Variants in TARM1 observed in about 807,000 individuals in gnomAD.
TARM1 encodes T-cell-interacting, activating receptor on myeloid cells protein 1.
In TARM1, 24 loss-of-function variants were observed where a neutral mutation model predicts 30.4. The observed-to-expected ratio is 0.79, with a 90% CI of 0.57 to 1.11. TARM1 has a LOEUF of 1.11. TARM1 is among the 50% of genes least tolerant of loss of function. The pLI, the probability that TARM1 is intolerant of heterozygous loss-of-function variation, is 0.00. For missense variants in TARM1, 323 were observed against 332.8 expected, an observed-to-expected ratio of 0.97 and a Z score of 0.23; for synonymous variants, 129 against 138.9, an observed-to-expected ratio of 0.93 and a Z score of 0.50.
At chr19:54,080,614 G>T (rs1185885332) in intron 1 of TARM1, among the ~76,000 whole-genome samples, 1 of 151,372 alleles carries the variant, frequency 6.6e-6, no homozygotes, top group East Asian at 1.9e-4. Context: ...TAGTGGTGAT[G>T]GTTACACAGC....
chr19:54,069,912 C>T lies in TARM1; in HGVS notation c.*91G>A, dbSNP rs2071765333. On this transcript the variant is annotated 3_prime_UTR_variant, in exon 5 of 5. Transcript: ENST00000432826. ...TTGTGACCTGTATGTTGTGACCTGT[C>T]TCATCCTGTGACTTAGAAAGCCTCA... is the stretch of plus-strand genomic sequence containing the variant. 8.9e-6 allele frequency: 9 copies of T among 1,012,134 alleles called. No homozygotes were observed. The South Asian group carries it at 1.4e-4, about 16-fold the overall frequency. 62.7% of individuals were successfully genotyped at this position (1,012,134 alleles called of 1,614,324 possible). A position where few individuals can be genotyped will look rare whatever the true frequency, so the allele number is the denominator to read the frequency against.
rs375418750 is a variant in TARM1, at chr19:54,080,140, A to AAAGCAAGC, written c.34+1159_34+1166dup. Among the ~76,000 whole-genome samples the AAAGCAAGC allele has an allele frequency of 1.4e-3, 110 of 80,272 alleles. 23 individuals carry two copies. The highest frequency in any genetic ancestry group is 1.2e-3 in the Non-Finnish European group (43 of 37,148). The allele number at this position is 80,272 out of a possible 152,430, so 52.7% of individuals were successfully genotyped here. A position where few individuals can be genotyped will look rare whatever the true frequency, so the allele number is the denominator to read the frequency against. Reference sequence around the variant, plus strand: ...GGAAGGAAGGAAGGAAGGAAGGAAGAAAGCAAGCAAGCAAGCAAGCAAGCA... The same window carrying AAAGCAAGC: ...GGAAGGAAGGAAGGAAGGAAGGAAGAAAGCAAGCAAGCAAGCAAGCAAGCAAGCAAGCA... On this transcript the variant is annotated intron_variant, in intron 1 of 4. Coordinates refer to ENST00000432826, the MANE Select transcript of TARM1 (RefSeq NM_001135686.3).
At chr19:54,074,331 T>G in intron 3 of TARM1, 115 bp from the exon 4 acceptor site, 1 of 995,564 alleles carries the variant, frequency 1.0e-6, no homozygotes, top group Non-Finnish European at 1.5e-6. Flanking sequence ...ATTCCTGATC[T>G]CTTCTACCTT....
chr19:54,072,172 G>C (rs2071828916), intron 4 of TARM1, among the ~76,000 whole-genome samples: 1 of 152,088 alleles, frequency 6.6e-6, no homozygotes, highest in African/African-American at 2.4e-5. Flanking sequence ...CTGGGCAACA[G>C]AGCAAGACTC....
At chr19:54,080,136 G>GAAAGAAAGAAAGAAAGA (rs2072074908) in intron 1 of TARM1, among the ~76,000 whole-genome samples, 2 of 63,776 alleles carry the variant, frequency 3.1e-5, no homozygotes, top group African/African-American at 1.1e-4. Context: ...AGGAAGGAAG[G>GAAAGAAAGAAAGAAAGA]AAGAAAGCAA....
In TARM1 at chr19:54,074,228, G is replaced by A. The variant is rs1304930410; in HGVS notation, c.362-12C>T. ...TTTAGATAAATGTCCTGTAAGAGAA[G>A]TCAGGTTCTGAGGTCCTGGGGAGAA... On this transcript the variant is annotated splice_polypyrimidine_tract_variant and intron_variant, in intron 3 of 4. Transcript: ENST00000432826. The A allele has an allele frequency of 6.5e-7, 1 of 1,547,174 alleles. No individual in the cohort carries two copies. Among genetic ancestry groups the A allele is most frequent in the Admixed American group, 2.0e-5 (1 of 50,928 alleles).
chr19:54,069,941 C>T lies in TARM1; in HGVS notation c.*62G>A, dbSNP rs1158617008. ...TCCTGTGACTTAGAAAGCCTCAACC[C>T]CCTGGGAATGCAGTCCAGCAGGTTG... On this transcript the variant is annotated 3_prime_UTR_variant, in exon 5 of 5. Transcript: ENST00000432826. 3.0e-6 allele frequency: 4 copies of T among 1,318,388 alleles called. No homozygotes were observed. In the South Asian group the frequency reaches 5.3e-5, roughly 18 times the overall value. The allele number at this position is 1,318,388 out of a possible 1,614,324, so 81.7% of individuals were successfully genotyped here.
chr19:54,073,774 T>C, intron 4 of TARM1, 146 bp downstream of exon 4: 1 of 1,066,472 alleles, frequency 9.4e-7, no homozygotes, highest in Admixed American at 2.5e-5. Context: ...ATGACAGGCA[T>C]GAGCCACCAC....
chr19:54,072,773 T>A (rs113346399), intron 4 of TARM1, among the ~76,000 whole-genome samples: 3,234 of 151,970 alleles, frequency 0.021, 48 homozygotes, highest in South Asian at 0.061. Context: ...GGCCAGGGGT[T>A]CAAGACCAGC....
chr19:54,075,809 A>AG lies in TARM1; in HGVS notation c.70+73dup. 2.1e-6 allele frequency: 3 copies of AG among 1,445,042 alleles called. No homozygotes were observed. The African/African-American group carries it at 4.3e-5, about 21-fold the overall frequency. The allele number at this position is 1,445,042 out of a possible 1,614,324, so 89.5% of individuals were successfully genotyped here. Reference sequence around the variant, plus strand: ...TCCGTCAAAAAAAAAAGAGAAAAAGAGGGGGAAGGGGAAGAGAACAGCAGG... The same window carrying AG: ...TCCGTCAAAAAAAAAAGAGAAAAAGAGGGGGGAAGGGGAAGAGAACAGCAGG... On this transcript the variant is annotated intron_variant, in intron 2 of 4. Coordinates refer to ENST00000432826, the MANE Select transcript of TARM1 (RefSeq NM_001135686.3).
At position 54,075,039 on chromosome 19, in the gene TARM1, C is replaced by T. The variant is rs1428622381; in HGVS notation, c.146G>A (p.Cys49Tyr). 5.2e-6 allele frequency: 8 copies of T among 1,551,500 alleles called. No homozygotes were observed. The highest frequency in any genetic ancestry group is 1.4e-5 in the African/African-American group (1 of 73,006). Residue 49 changes from cysteine (C) to tyrosine (Y), a missense_variant, in exon 3 of 5, where the codon TGT (cysteine) becomes TAT (tyrosine). Transcript: ENST00000432826. The stretch of plus-strand genomic sequence containing the variant: ...GCTCACACCTCTGGCAGGAGTCCAA[C>T]ATCGCAGCGTCACATTGCTGTTGGC... The part of the protein sequence containing the change: ...VPANSNVTLR[C>Y]WTPARGVSFV...
chr19:54,078,539 T>A (rs1353829788), intron 1 of TARM1, among the ~76,000 whole-genome samples: 1 of 151,896 alleles, frequency 6.6e-6, no homozygotes, highest in Non-Finnish European at 1.5e-5. Flanking sequence ...CCACCACGCA[T>A]GGCTAATTTT....
Position 54,074,045 on chromosome 19 carries a change from TCCTTCCCCG to T in TARM1, c.524_532del (p.Ala175_Lys177del). The T allele has an allele frequency of 6.4e-7, 1 of 1,551,680 alleles. No homozygotes were observed. The highest frequency in any genetic ancestry group is 8.7e-7 in the Non-Finnish European group (1 of 1,146,988). The stretch of plus-strand genomic sequence containing the variant: ...CACGTCCACCAGAGAGAAGTCTATC[TCCTTCCCCG>T]CTGGACTCTGCAGCTGGATGGGTGA... On this transcript the variant is annotated inframe_deletion, in exon 4 of 5. Coordinates refer to ENST00000432826, the MANE Select transcript of TARM1 (RefSeq NM_001135686.3).
intron 4 of TARM1, 80 bp from the exon 5 acceptor site, chr19:54,070,240 A>G: frequency 6.7e-7 from 1 of 1,484,518 alleles, no homozygotes; most frequent in Non-Finnish European, 8.9e-7. Context: ...TCTGACTATC[A>G]TCACCCACTT....
chr19:54,078,765 A>T (rs1380837199), intron 1 of TARM1, among the ~76,000 whole-genome samples: 1 of 152,076 alleles, frequency 6.6e-6, no homozygotes, highest in Non-Finnish European at 1.5e-5. Flanking sequence ...AGACTCTCAA[A>T]GTGCTGGGAT....
At chr19:54,080,697 G>A (rs964699613) in intron 1 of TARM1, among the ~76,000 whole-genome samples, 1 of 151,976 alleles carries the variant, frequency 6.6e-6, no homozygotes, top group Non-Finnish European at 1.5e-5. Flanking sequence ...TCTGGGCCAG[G>A]CACAGTGGCT....
intron 1 of TARM1, 75 bp from the exon 2 acceptor site, chr19:54,075,993 C>T (rs746141663): frequency 8.5e-6 from 13 of 1,523,752 alleles, no homozygotes; most frequent in African/African-American, 8.3e-5. Flanking sequence ...CCCTGGAGAT[C>T]GTCCCAGAGT....
intron 1 of TARM1, among the ~76,000 whole-genome samples, chr19:54,077,739 G>GC (rs2071992716): frequency 8.5e-6 from 1 of 117,634 alleles, no homozygotes; most frequent in Non-Finnish European, 1.8e-5. Context: ...CTTTTTCTTC[G>GC]TTTTTTTTTT....
rs375418750 is a variant in TARM1 at position 54,080,140 on chromosome 19, AAAGCAAGCAAGC to A, written c.34+1155_34+1166del. 6.2e-5 allele frequency among the ~76,000 whole-genome samples: 5 copies of A among 80,210 alleles called. 2 individuals are homozygous for A. The highest frequency in any genetic ancestry group is 4.8e-4 in the Admixed American group (3 of 6,206). The allele number at this position is 80,210 out of a possible 152,430, so 52.6% of individuals were successfully genotyped here. The stretch of plus-strand genomic sequence containing the variant: ...GGAAGGAAGGAAGGAAGGAAGGAAG[AAAGCAAGCAAGC>A]AAGCAAGCAAGCAAGCAAGCAAGCA... On this transcript the variant is annotated intron_variant, in intron 1 of 4. Transcript: ENST00000432826.
Sources: allele counts gnomAD v4.1 joint callset (sites outside exome capture counted in the v4.1 genomes callset), GRCh38; gene constraint gnomAD v4.1.1; transcripts MANE v1.5; gene names NCBI Gene and HGNC (gene_info 2026-07-23, HGNC 2026-07-21).